ROBO2: variants seen among roughly 807,000 people sequenced by gnomAD.
ROBO2 encodes roundabout homolog 2.
A neutral mutation model predicts 160.8 loss-of-function variants in ROBO2; 53 were observed. The observed-to-expected ratio is 0.33, with a 90% CI of 0.26 to 0.41. ROBO2 has a LOEUF of 0.41. Among genes scored for constraint, ROBO2 ranks in the 10% least tolerant of loss-of-function variants. ROBO2 has a pLI of 1.00. For synonymous variants in ROBO2, 664 were observed against 611.7 expected (o/e 1.09, Z -1.26); for missense variants, 1,577 against 1,722.4 (o/e 0.92, Z 1.49).
At chr3:75,999,465 T>C (rs1291905595) in intron 2 of ROBO2, among the ~76,000 whole-genome samples, 1 of 152,154 alleles carries the variant, frequency 6.6e-6, no homozygotes, top group East Asian at 1.9e-4. Flanking sequence ...TTTGCCCTTT[T>C]AGTATTTATT....
chr3:76,707,174 A>G (rs2093181377), intron 2 of ROBO2, among the ~76,000 whole-genome samples: 1 of 152,014 alleles, frequency 6.6e-6, no homozygotes, highest in African/African-American at 2.4e-5. Context: ...GAAGAGCATT[A>G]CTCTTGCAGG....
chr3:76,719,161 C>T (rs865917253), intron 2 of ROBO2, among the ~76,000 whole-genome samples: 1 of 152,056 alleles, frequency 6.6e-6, no homozygotes, highest in South Asian at 2.1e-4. Flanking sequence ...TTTGCTCCAC[C>T]TAAATTATGT....
chr3:77,478,220 C>A (rs2084273190), intron 3 of ROBO2, among the ~76,000 whole-genome samples: 1 of 152,124 alleles, frequency 6.6e-6, no homozygotes, highest in Non-Finnish European at 1.5e-5. Flanking sequence ...ACCACATTAA[C>A]TACATCTAAT....
intron 2 of ROBO2, among the ~76,000 whole-genome samples, chr3:77,000,081 G>A (rs562463227): frequency 4.6e-4 from 70 of 151,982 alleles, no homozygotes; most frequent in Non-Finnish European, 7.8e-4. Context: ...GAGTCGAGAT[G>A]ACCTGATTAA....
At chr3:77,025,837 A>G (rs1044776975) in intron 2 of ROBO2, among the ~76,000 whole-genome samples, 3 of 152,166 alleles carry the variant, frequency 2.0e-5, no homozygotes, top group Admixed American at 2.0e-4. Flanking sequence ...TTTTAGCTGG[A>G]TGTTTTGCAC....
intron 2 of ROBO2, among the ~76,000 whole-genome samples, chr3:76,838,387 G>A (rs1167414392): frequency 6.6e-6 from 1 of 151,888 alleles, no homozygotes; most frequent in Non-Finnish European, 1.5e-5. Context: ...TAAAATAAAG[G>A]CTTTAAAAAA....
intron 2 of ROBO2, among the ~76,000 whole-genome samples, chr3:76,906,543 A>AAT (rs199967660): frequency 7.9e-5 from 12 of 151,220 alleles, no homozygotes; most frequent in Admixed American, 2.0e-4. Context: ...CATAGTATGT[A>AAT]ATATATATAT....
intron 2 of ROBO2, among the ~76,000 whole-genome samples, chr3:77,027,353 C>G (rs1447993833): frequency 6.6e-6 from 1 of 152,104 alleles, no homozygotes; most frequent in Non-Finnish European, 1.5e-5. Context: ...GCTAAGGGCC[C>G]AAACACTCAT....
chr3:75,935,032 A>G (rs1044989536), intron 1 of ROBO2, among the ~76,000 whole-genome samples: 2 of 152,198 alleles, frequency 1.3e-5, no homozygotes, highest in African/African-American at 2.4e-5. Flanking sequence ...AGTAGAAATT[A>G]AAAGAATGTA....
chr3:76,960,904 A>G (rs147339576), intron 2 of ROBO2, among the ~76,000 whole-genome samples: 68 of 152,302 alleles, frequency 4.5e-4, no homozygotes, highest in African/African-American at 1.6e-3. Context: ...TCAGACCTCC[A>G]TATTACTAAA....
At chr3:77,458,061 C>T (rs934334666) in intron 2 of ROBO2, among the ~76,000 whole-genome samples, 1 of 152,134 alleles carries the variant, frequency 6.6e-6, no homozygotes, top group Admixed American at 6.5e-5. Flanking sequence ...AACTATTTCA[C>T]TTAATCCTCA....
intron 2 of ROBO2, among the ~76,000 whole-genome samples, chr3:76,903,862 T>G (rs548250768): frequency 5.3e-5 from 8 of 152,306 alleles, no homozygotes; most frequent in South Asian, 4.1e-4. Context: ...AAACAGGGTC[T>G]GAGTTTGCAT....
At position 76,752,364 on chromosome 3, in the gene ROBO2, A is replaced by G. The variant is rs375757216; in HGVS notation, c.110-345650A>G. ...AATGACGAGTTAGTGGGTGCAGCACACCAACATGGCACATGTATACATATG... is the reference window on the plus strand; with the variant it reads ...AATGACGAGTTAGTGGGTGCAGCACGCCAACATGGCACATGTATACATATG... On this transcript the variant is annotated intron_variant, in intron 2 of 26. Transcript: ENST00000487694. 8.2e-4 allele frequency among the ~76,000 whole-genome samples: 125 copies of G among 151,832 alleles called. 3 individuals carry two copies. In the East Asian group the frequency reaches 0.02, roughly 24 times the overall value.
intron 2 of ROBO2, among the ~76,000 whole-genome samples, chr3:77,202,988 T>A (rs746282253): frequency 6.6e-6 from 1 of 152,162 alleles, no homozygotes; most frequent in Non-Finnish European, 1.5e-5. Context: ...AAACATAATC[T>A]CAGCCACTCA....
chr3:77,086,543 G>A (rs2069338155), intron 1 of ROBO2, among the ~76,000 whole-genome samples: 2 of 152,138 alleles, frequency 1.3e-5, no homozygotes, highest in South Asian at 4.2e-4. Context: ...TTTGCATCCG[G>A]TGCCTGCAGT....
At chr3:76,643,001 A>C (rs1464425382) in intron 2 of ROBO2, among the ~76,000 whole-genome samples, 1 of 152,210 alleles carries the variant, frequency 6.6e-6, no homozygotes, top group Non-Finnish European at 1.5e-5. Context: ...ATTTTATTAC[A>C]TGCAAAGAAG....
intron 6 of ROBO2, among the ~76,000 whole-genome samples, chr3:77,533,643 C>T (rs767859890): frequency 3.9e-5 from 6 of 152,144 alleles, no homozygotes; most frequent in Admixed American, 1.3e-4. Flanking sequence ...TCATAGCCAG[C>T]GGGGGCACCC....
At chr3:76,122,555 C>T (rs565552016) in intron 2 of ROBO2, among the ~76,000 whole-genome samples, 6 of 151,962 alleles carry the variant, frequency 3.9e-5, no homozygotes, top group African/African-American at 1.2e-4. Context: ...TAAAATATGA[C>T]CAATTTTTAA....
At chr3:76,157,025 T>C (rs2072433850) in intron 2 of ROBO2, among the ~76,000 whole-genome samples, 1 of 151,976 alleles carries the variant, frequency 6.6e-6, no homozygotes, top group Admixed American at 6.6e-5. Flanking sequence ...AAAGTATGTG[T>C]GTGGATATGT....
Sources: allele counts gnomAD v4.1 joint callset (sites outside exome capture counted in the v4.1 genomes callset), GRCh38; gene constraint gnomAD v4.1.1; transcripts MANE v1.5; gene names NCBI Gene and HGNC (gene_info 2026-07-23, HGNC 2026-07-21).